Variants in PTPN3 observed in about 807,000 individuals in gnomAD.
PTPN3 encodes tyrosine-protein phosphatase non-receptor type 3.
A neutral mutation model predicts 132.7 loss-of-function variants in PTPN3; 96 were observed. That is an observed-to-expected ratio of 0.72 (90% CI 0.61 to 0.86). PTPN3 has a LOEUF of 0.86. Ranked by LOEUF, PTPN3 falls within the 40% of genes least tolerant of loss-of-function variation. The pLI is 0.00. For synonymous variants in PTPN3, 398 were observed against 429.0 expected (o/e 0.93, Z 0.89); for missense variants, 1,125 against 1,159.6 (o/e 0.97, Z 0.43).
the PTPN3 span, among the ~76,000 whole-genome samples, chr9:109,531,970 T>C: frequency 6.6e-6 from 1 of 152,244 alleles, no homozygotes; most frequent in Non-Finnish European, 1.5e-5. Flanking sequence ...TCTTTGAATG[T>C]ATTTCGTTCC....
chr9:109,523,774 C>CATTATATAT, the PTPN3 span, among the ~76,000 whole-genome samples: 1 of 151,666 alleles, frequency 6.6e-6, no homozygotes, highest in East Asian at 1.9e-4. Flanking sequence ...CACACATGCA[C>CATTATATAT]AGACAAACAC....
At chr9:109,530,031 G>A in the PTPN3 span, among the ~76,000 whole-genome samples, 4,507 of 152,132 alleles carry the variant, frequency 0.03, 98 homozygotes, top group Middle Eastern at 0.048. Flanking sequence ...TTACAGGTGC[G>A]AGCCACCATG....
intron 2 of PTPN3, among the ~76,000 whole-genome samples, chr9:109,459,765 C>T (rs2132037684): frequency 6.6e-6 from 1 of 152,178 alleles, no homozygotes; most frequent in South Asian, 2.1e-4. Flanking sequence ...TTGCTTTCTC[C>T]CCTTTTCACA....
intron 12 of PTPN3, among the ~76,000 whole-genome samples, chr9:109,425,647 G>A (rs1843204172): frequency 6.6e-6 from 1 of 151,914 alleles, no homozygotes; most frequent in South Asian, 2.1e-4. Context: ...GGAGACAGAG[G>A]TTGCAGTGAG....
intron 1 of PTPN3, among the ~76,000 whole-genome samples, chr9:109,493,713 C>T (rs764724060): frequency 1.3e-5 from 2 of 152,152 alleles, no homozygotes; most frequent in African/African-American, 4.8e-5. Context: ...ACAGTCCTGC[C>T]GGTCCCCTAA....
At chr9:109,380,134 A>C (rs1308388881) in intron 25 of PTPN3, among the ~76,000 whole-genome samples, 2 of 152,220 alleles carry the variant, frequency 1.3e-5, no homozygotes, top group Non-Finnish European at 2.9e-5. Context: ...TATTTATCTT[A>C]GCAAATACCT....
intron 16 of PTPN3, among the ~76,000 whole-genome samples, chr9:109,408,799 ATATATATATATATATATATGGGCTT>A (rs1841812585): frequency 1.7e-5 from 1 of 57,516 alleles, no homozygotes; most frequent in Admixed American, 1.5e-4. Flanking sequence ...AAAAAAAAAT[ATATATATATATATATATATGGGCTT>A]TATATATATA....
At chr9:109,391,441 G>A (rs1309207887) in intron 20 of PTPN3, 30 bp downstream of exon 20, 2 of 1,570,230 alleles carry the variant, frequency 1.3e-6, no homozygotes, top group Non-Finnish European at 8.8e-7. Flanking sequence ...CAGTGTAGGG[G>A]GGAAGGAGGC....
intron 14 of PTPN3, chr9:109,417,836 T>C: frequency 1.0e-6 from 1 of 958,910 alleles, no homozygotes; most frequent in Non-Finnish European, 1.2e-6. Context: ...TTGCTATTCT[T>C]AACATTTAGC....
intron 11 of PTPN3, among the ~76,000 whole-genome samples, chr9:109,427,891 T>C (rs1251071488): frequency 6.6e-6 from 1 of 152,194 alleles, no homozygotes; most frequent in Non-Finnish European, 1.5e-5. Flanking sequence ...AAAGAGCAGG[T>C]GTCTCGGATT....
At chr9:109,489,925 T>A (rs926606381) in intron 1 of PTPN3, among the ~76,000 whole-genome samples, 4 of 152,152 alleles carry the variant, frequency 2.6e-5, no homozygotes, top group Admixed American at 6.5e-5. Context: ...CTCATGCCTA[T>A]AATCCCAGCA....
the PTPN3 span, among the ~76,000 whole-genome samples, chr9:109,519,707 G>A: frequency 6.6e-6 from 1 of 152,058 alleles, no homozygotes; most frequent in South Asian, 2.1e-4. Flanking sequence ...TCAGCCAGGA[G>A]ATTGAGAATA....
intron 1 of PTPN3, among the ~76,000 whole-genome samples, chr9:109,471,948 T>A (rs1485150604): frequency 6.6e-6 from 1 of 152,212 alleles, no homozygotes; most frequent in Non-Finnish European, 1.5e-5. Context: ...AGCCAGGGTC[T>A]TTGTTAGGTG....
At chr9:109,511,355 AC>A in the PTPN3 span, 1 of 152,720 alleles carries the variant, frequency 6.5e-6, no homozygotes, top group East Asian at 1.9e-4. Flanking sequence ...AGGGGCAGCC[AC>A]AGTAACTTTG....
At chr9:109,428,892 G>A (rs757673976) in intron 10 of PTPN3, 96 of 985,214 alleles carry the variant, frequency 9.7e-5, no homozygotes, top group Non-Finnish European at 1.2e-4. Context: ...ACTGCGTAAG[G>A]GCCACTGGAT....
the PTPN3 span, chr9:109,534,138 T>C: frequency 1.2e-6 from 1 of 808,778 alleles, no homozygotes; most frequent in African/African-American, 1.7e-5. Flanking sequence ...AGTTGAACCA[T>C]TTTACTGTTC....
intron 9 of PTPN3, among the ~76,000 whole-genome samples, chr9:109,434,587 C>T (rs983182225): frequency 3.3e-5 from 5 of 152,210 alleles, no homozygotes; most frequent in South Asian, 2.1e-4. Flanking sequence ...GGGTTAAAGG[C>T]GTGAGCCACT....
intron 10 of PTPN3, chr9:109,429,101 A>G (rs1843489231): frequency 2.1e-6 from 2 of 967,282 alleles, no homozygotes; most frequent in Non-Finnish European, 2.5e-6. Context: ...CAAGTAGCCT[A>G]CTTAACATTT....
At chr9:109,466,396 T>C (rs1007615291) in intron 1 of PTPN3, among the ~76,000 whole-genome samples, 2 of 152,204 alleles carry the variant, frequency 1.3e-5, no homozygotes, top group East Asian at 1.9e-4. Flanking sequence ...CCAGCTACTC[T>C]GGAGGCCAAG....
Sources: allele counts gnomAD v4.1 joint callset (sites outside exome capture counted in the v4.1 genomes callset), GRCh38; gene constraint gnomAD v4.1.1; transcripts MANE v1.5; gene names NCBI Gene and HGNC (gene_info 2026-07-23, HGNC 2026-07-21).